The following DCLK3 variants were observed in gnomAD, a reference collection of about 807,000 sequenced individuals.
The protein encoded by DCLK3 is doublecortin like kinase 3, also known as serine/threonine-protein kinase DCLK3.
Under a neutral mutation model 46.4 loss-of-function variants are expected in DCLK3, and 30 were observed. The observed-to-expected ratio is 0.65, with a 90% CI of 0.48 to 0.88. DCLK3 has a LOEUF of 0.88. Among genes scored for constraint, DCLK3 ranks in the 40% least tolerant of loss-of-function variants. The pLI is 0.00. For missense variants in DCLK3, 846 were observed against 907.1 expected (o/e 0.93, Z 0.87); for synonymous variants, 401 against 339.2 (o/e 1.18, Z -2.00).
At chr3:36,744,309 C>G (rs891919645) in intron 1 of DCLK3, among the ~76,000 whole-genome samples, 4 of 152,332 alleles carry the variant, frequency 2.6e-5, no homozygotes, top group Middle Eastern at 3.4e-3. Context: ...CACAAAAGAC[C>G]TCCTGAATAC....
rs1700942974 is a variant in DCLK3, at chr3:36,713,938, A to G, written c.*1390T>C. 1 of 152,342 alleles carries G rather than the reference A, an allele frequency of 6.6e-6. No individual in the cohort carries two copies. The highest frequency in any genetic ancestry group is 6.5e-5 in the Admixed American group (1 of 15,280). 9.4% of individuals were successfully genotyped at this position (152,342 alleles called of 1,614,324 possible). A position where few individuals can be genotyped will look rare whatever the true frequency, so the allele number is the denominator to read the frequency against. On this transcript the variant is annotated 3_prime_UTR_variant, in exon 5 of 5. Transcript: ENST00000636136. ...TCTTCCAGTGGAGGGTAATTCCTGT[A>G]GAGGGCTGAAAGCTGAGAGCCATCA...
At chr3:36,732,762 C>T (rs929902514) in intron 2 of DCLK3, among the ~76,000 whole-genome samples, 1 of 152,120 alleles carries the variant, frequency 6.6e-6, no homozygotes, top group Non-Finnish European at 1.5e-5. Flanking sequence ...ACATGAATAC[C>T]TCTGTCTTGG....
At chr3:36,727,904 C>T (rs1331132057) in intron 2 of DCLK3, among the ~76,000 whole-genome samples, 9 of 152,208 alleles carry the variant, frequency 5.9e-5, no homozygotes, top group Non-Finnish European at 8.8e-5. Context: ...AGAACAGTTC[C>T]TATCTTAAAC....
At chr3:36,723,908 G>A (rs541510501) in intron 2 of DCLK3, among the ~76,000 whole-genome samples, 1 of 152,302 alleles carries the variant, frequency 6.6e-6, no homozygotes, top group Non-Finnish European at 1.5e-5. Context: ...GTGAGAAGAA[G>A]GCCACTGTCC....
chr3:36,718,270 G>C (rs1701010912), intron 3 of DCLK3, 93 bp from the exon 4 acceptor site: 1 of 1,555,166 alleles, frequency 6.4e-7, no homozygotes. Flanking sequence ...GTTCTAAATA[G>C]ATCTAAGTCA....
chr3:36,715,550 G>T, intron 4 of DCLK3, 29 bp from the exon 5 acceptor site: 1 of 1,512,598 alleles, frequency 6.6e-7, no homozygotes, highest in Non-Finnish European at 8.8e-7. Flanking sequence ...GGGAAAATGT[G>T]ATGAATGCAG....
intron 2 of DCLK3, among the ~76,000 whole-genome samples, chr3:36,727,161 C>T (rs1449656388): frequency 1.3e-5 from 2 of 151,962 alleles, no homozygotes; most frequent in Non-Finnish European, 2.9e-5. Flanking sequence ...TGGTGGCGGG[C>T]CCCTGTAATC....
intron 4 of DCLK3, among the ~76,000 whole-genome samples, chr3:36,717,587 G>T (rs1431240827): frequency 2.0e-5 from 3 of 152,136 alleles, no homozygotes. Flanking sequence ...AAATAACTGA[G>T]ATCTTCATTG....
chr3:36,729,091 C>T (rs1435731625), intron 2 of DCLK3, among the ~76,000 whole-genome samples: 1 of 152,234 alleles, frequency 6.6e-6, no homozygotes, highest in East Asian at 1.9e-4. Context: ...AAACGCCACA[C>T]ACCAGGTGTG....
At chr3:36,749,369 C>T (rs1189294411) in intron 1 of DCLK3, among the ~76,000 whole-genome samples, 1 of 152,212 alleles carries the variant, frequency 6.6e-6, no homozygotes, top group Non-Finnish European at 1.5e-5. Context: ...GGGCCCTCCC[C>T]GCCCCACTAA....
At chr3:36,727,560 G>A (rs1407147233) in intron 2 of DCLK3, among the ~76,000 whole-genome samples, 1 of 152,182 alleles carries the variant, frequency 6.6e-6, no homozygotes, top group Non-Finnish European at 1.5e-5. Context: ...ACCTATGTGA[G>A]ATATATTATG....
Position 36,737,868 on chromosome 3 carries a change from G to C in DCLK3, c.1299C>G (p.Thr433=), listed in dbSNP as rs775866487. The C allele has an allele frequency of 6.2e-7, 1 of 1,613,922 alleles. No individual in the cohort carries two copies. The highest frequency in any genetic ancestry group is 1.1e-5 in the South Asian group (1 of 91,070). ...CATGTTTGCTCCTGCTCATGGGCCT[G>C]GTGTCCTTCTTCACCTCCCTCAGCC... ...EEGLREVKKD[T]RPMSRSKHGG... is the part of the protein sequence containing the mutation. The change falls in exon 2 of 5, where the codon ACC becomes ACG. Residue 433 remains threonine, a synonymous_variant. Coordinates refer to ENST00000636136, the MANE Select transcript of DCLK3 (RefSeq NM_001394672.2). This position sits in a 1 kb window ranked among gnomAD's most constrained non-coding sequence, Gnocchi z 4.4.
intron 1 of DCLK3, among the ~76,000 whole-genome samples, chr3:36,749,105 T>C (rs1024540735): frequency 6.6e-6 from 1 of 152,240 alleles, no homozygotes; most frequent in East Asian, 1.9e-4. Flanking sequence ...CAAGAGGGCA[T>C]GGCTCCCAGG....
In DCLK3 at chr3:36,762,687, T is replaced by C. The variant is rs1030365539; in HGVS notation, c.82+1495A>G. 3.9e-5 allele frequency among the ~76,000 whole-genome samples: 6 copies of C among 152,054 alleles called. 1 individual carries two copies. The highest frequency in any genetic ancestry group is 3.9e-4 in the Admixed American group (6 of 15,258). On this transcript the variant is annotated intron_variant, in intron 1 of 4. Coordinates refer to ENST00000636136, the MANE Select transcript of DCLK3 (RefSeq NM_001394672.2). ...CATAGGCTCTGCCGCCCAAGGGTCA[T>C]CCTCCAACAAAGAGATGGAGGGACT...
intron 1 of DCLK3, among the ~76,000 whole-genome samples, chr3:36,742,860 C>T (rs758636642): frequency 1.3e-5 from 2 of 152,102 alleles, no homozygotes; most frequent in African/African-American, 2.4e-5. Context: ...GCTCAGTCTC[C>T]GGGAACGTGC....
intron 2 of DCLK3, among the ~76,000 whole-genome samples, chr3:36,734,435 A>G (rs1010846701): frequency 1.3e-5 from 2 of 152,160 alleles, no homozygotes; most frequent in Non-Finnish European, 2.9e-5. Context: ...ATATTAACCT[A>G]TTCCACATAA....
Position 36,738,314 on chromosome 3 carries a change from C to A in DCLK3, c.853G>T (p.Glu285Ter). 6.6e-7 allele frequency: 1 copy of A among 1,512,572 alleles called. No individual in the cohort carries two copies. The highest frequency in any genetic ancestry group is 8.8e-7 in the Non-Finnish European group (1 of 1,133,680). The allele number at this position is 1,512,572 out of a possible 1,614,324, so 93.7% of individuals were successfully genotyped here. A position where few individuals can be genotyped will look rare whatever the true frequency, so the allele number is the denominator to read the frequency against. The change falls in exon 2 of 5, where the codon GAG becomes TAG. Residue 285 changes from glutamate to a stop codon, truncating the protein, a stop_gained. Coordinates refer to ENST00000636136, the MANE Select transcript of DCLK3 (RefSeq NM_001394672.2). LOFTEE classifies it high-confidence loss of function. Reference sequence around the variant, plus strand: ...TGCTTCTCTCCCCTTGCGTGCCTCTCTTCCAGAGTGGCTTCCCTGGGGGGC... The same window carrying A: ...TGCTTCTCTCCCCTTGCGTGCCTCTATTCCAGAGTGGCTTCCCTGGGGGGC... ...SKPPREATLE[E>*]RHARGEKHLG... is the part of the protein sequence containing the mutation.
At position 36,716,868 on chromosome 3, in the gene DCLK3, C is replaced by G. The variant is rs1700987063; in HGVS notation, c.2260+1142G>C. Among the ~76,000 whole-genome samples, 3 of 152,316 alleles carry G rather than the reference C, an allele frequency of 2.0e-5. No homozygotes were observed. The South Asian group carries it at 6.2e-4, about 32-fold the overall frequency. ...CAAATCTAAGGAGTGCTGCATAGAA[C>G]TTTCTAAAATGATTTTTAGTCCCTC... On this transcript the variant is annotated intron_variant, in intron 4 of 4. Coordinates refer to ENST00000636136, the MANE Select transcript of DCLK3 (RefSeq NM_001394672.2).
chr3:36,747,367 A>T (rs1701402414), intron 1 of DCLK3, among the ~76,000 whole-genome samples: 1 of 152,152 alleles, frequency 6.6e-6, no homozygotes, highest in Non-Finnish European at 1.5e-5. Flanking sequence ...TACCATTTTA[A>T]CAAAGAATGA....
Sources: allele counts gnomAD v4.1 joint callset (sites outside exome capture counted in the v4.1 genomes callset), GRCh38; gene constraint gnomAD v4.1.1; non-coding constraint Gnocchi (gnomAD v3.1); transcripts MANE v1.5; gene names NCBI Gene and HGNC (gene_info 2026-07-23, HGNC 2026-07-21).